ARFGEF1: variants seen among roughly 807,000 people sequenced by gnomAD.
ARFGEF1 encodes the protein ARF guanine nucleotide exchange factor 1.
In ARFGEF1, 42 loss-of-function variants were observed where a neutral mutation model predicts 231.0. The ratio of observed to expected loss-of-function variants is 0.18; its 90% CI spans 0.14 to 0.24. The LOEUF (loss-of-function observed/expected upper bound fraction) is 0.24. ARFGEF1 is among the 10% of genes least tolerant of loss of function. The pLI is 1.00. For missense variants in ARFGEF1, 1,345 were observed against 2,192.0 expected, an observed-to-expected ratio of 0.61 and a Z score of 7.72; for synonymous variants, 710 against 732.3, an observed-to-expected ratio of 0.97 and a Z score of 0.49.
At chr8:67,243,717 T>G (rs74732058) in intron 19 of ARFGEF1, among the ~76,000 whole-genome samples, 3,844 of 152,214 alleles carry the variant, frequency 0.025, 176 homozygotes, top group African/African-American at 0.087. Context: ...AATGAACATC[T>G]GTAAGTATCA....
chr8:67,294,378 T>C (rs1167940083), intron 5 of ARFGEF1, among the ~76,000 whole-genome samples: 1 of 152,206 alleles, frequency 6.6e-6, no homozygotes, highest in East Asian at 1.9e-4. Flanking sequence ...CACAAAGGAA[T>C]AGCATTACCC....
chr8:67,256,021 G>T (rs1350922332), intron 17 of ARFGEF1, among the ~76,000 whole-genome samples: 2 of 152,168 alleles, frequency 1.3e-5, no homozygotes, highest in Non-Finnish European at 2.9e-5. Context: ...TTCATTTAGA[G>T]AACCAAATGT....
chr8:67,189,143 T>C (rs1023646473), intron 5 of ARFGEF1, among the ~76,000 whole-genome samples: 1 of 152,170 alleles, frequency 6.6e-6, no homozygotes, highest in African/African-American at 2.4e-5. Context: ...TATGGAGCAA[T>C]AGGAACTCTC....
chr8:67,221,406 T>C (rs1468259719), intron 29 of ARFGEF1, among the ~76,000 whole-genome samples: 1 of 152,130 alleles, frequency 6.6e-6, no homozygotes, highest in African/African-American at 2.4e-5. Flanking sequence ...ACACTGATGA[T>C]CCTGACCCTG....
intron 13 of ARFGEF1, among the ~76,000 whole-genome samples, chr8:67,266,638 A>G (rs533404506): frequency 5.9e-5 from 9 of 152,304 alleles, no homozygotes; most frequent in African/African-American, 2.2e-4. Flanking sequence ...AGTTGCATAA[A>G]TATGCTTCAT....
rs1016386306 is a variant in ARFGEF1, at chr8:67,260,996, T to A, written c.2124-1070A>T. Among the ~76,000 whole-genome samples, 3 of 152,172 alleles carry A rather than the reference T, an allele frequency of 2.0e-5. No individual in the cohort carries two copies. The East Asian group carries it at 5.8e-4, about 29-fold the overall frequency. On this transcript the variant is annotated intron_variant, in intron 14 of 38. Coordinates refer to ENST00000262215, the MANE Select transcript of ARFGEF1 (RefSeq NM_006421.5). Reference sequence around the variant, plus strand: ...AATCCCAAAAAAGGCCCCAACTCTCTTCAAGTCTATGAGGCTAAGAAAGGT... The same window carrying A: ...AATCCCAAAAAAGGCCCCAACTCTCATCAAGTCTATGAGGCTAAGAAAGGT...
chr8:67,311,055 T>C (rs1807004746), intron 1 of ARFGEF1, among the ~76,000 whole-genome samples: 4 of 124,908 alleles, frequency 3.2e-5, no homozygotes, highest in African/African-American at 6.2e-5. Context: ...CGGCCACCCC[T>C]ACTGGGAAGT....
chr8:67,230,472 T>C (rs1839518238), intron 23 of ARFGEF1, among the ~76,000 whole-genome samples: 1 of 152,108 alleles, frequency 6.6e-6, no homozygotes, highest in African/African-American at 2.4e-5. Flanking sequence ...AAGCAGCCTA[T>C]ATTATTATAC....
Position 67,224,997 on chromosome 8 carries a change from C to T in ARFGEF1, c.4114G>A (p.Ala1372Thr). 6.2e-7 allele frequency: 1 copy of T among 1,605,222 alleles called. No homozygotes were observed. The highest frequency in any genetic ancestry group is 8.5e-7 in the Non-Finnish European group (1 of 1,175,878). Reference sequence around the variant, plus strand: ...CTCACCCACACCCTGTCTTCAGGTGCTACGTTCATATCATCGCTTGTGTAT... The same window carrying T: ...CTCACCCACACCCTGTCTTCAGGTGTTACGTTCATATCATCGCTTGTGTAT... The part of the protein sequence containing the change: ...KEYTSDDMNV[A>T]PEDRVWVRGW... The change falls in exon 29 of 39, where the codon GCA becomes ACA. Residue 1372 changes from alanine to threonine, a missense_variant. Ala to Thr is a moderately conservative substitution (Grantham distance 58). Transcript: ENST00000262215.
chr8:67,244,797 G>A (rs1840055903), intron 19 of ARFGEF1, among the ~76,000 whole-genome samples: 1 of 150,258 alleles, frequency 6.7e-6, no homozygotes, highest in Non-Finnish European at 1.5e-5. Context: ...AGAGATAGAG[G>A]TAGAAAGTTT....
chr8:67,232,553 T>G (rs186980025), intron 23 of ARFGEF1, among the ~76,000 whole-genome samples: 9 of 152,118 alleles, frequency 5.9e-5, no homozygotes, highest in Admixed American at 2.6e-4. Flanking sequence ...ATAAGGGGAA[T>G]AAGTTTTCTA....
At chr8:67,274,276 A>G (rs1365324867) in intron 9 of ARFGEF1, among the ~76,000 whole-genome samples, 1 of 152,004 alleles carries the variant, frequency 6.6e-6, no homozygotes, top group Non-Finnish European at 1.5e-5. Flanking sequence ...AGGGGAAGCA[A>G]AGACAAAAAA....
In ARFGEF1 at chr8:67,218,191, T is replaced by TAAAA. The variant is rs10719102; in HGVS notation, c.4339-57_4339-54dup. 7.8e-4 allele frequency: 120 copies of TAAAA among 153,676 alleles called. 2 individuals are homozygous for TAAAA. Among genetic ancestry groups the TAAAA allele is most frequent in the East Asian group, 3.3e-3 (16 of 4,844 alleles). The allele number at this position is 153,676 out of a possible 1,614,324, so 9.5% of individuals were successfully genotyped here. On this transcript the variant is annotated intron_variant, in intron 30 of 38. Transcript: ENST00000262215. ...CACGCCATTAATCAACTACTATGAT[T>TAAAA]AAAAAAAAAAAAAAAAATATATATA...
intron 30 of ARFGEF1, 96 bp from the exon 31 acceptor site, chr8:67,218,234 A>ATATATATATATATC (rs1170648076): frequency 1.7e-5 from 4 of 238,094 alleles, no homozygotes; most frequent in Non-Finnish European, 2.8e-5. Context: ...ATATATATAT[A>ATATATATATATATC]AATGTTTTCA....
In ARFGEF1 at chr8:67,258,027, A is replaced by G; in HGVS notation, c.2441+58T>C. 3 of 1,466,204 alleles carry G rather than the reference A, an allele frequency of 2.0e-6. No individual in the cohort carries two copies. In the South Asian group the frequency reaches 3.5e-5, roughly 17 times the overall value. The allele number at this position is 1,466,204 out of a possible 1,614,324, so 90.8% of individuals were successfully genotyped here. On this transcript the variant is annotated intron_variant, in intron 16 of 38. Transcript: ENST00000262215. The stretch of plus-strand genomic sequence containing the variant: ...TATTATCTGTAAATCCCTGGATGCT[A>G]CCTAGCACAGTGGTTTGGATATAAC...
chr8:67,314,437 G>C (rs1807212706), intron 1 of ARFGEF1, among the ~76,000 whole-genome samples: 1 of 152,194 alleles, frequency 6.6e-6, no homozygotes, highest in East Asian at 1.9e-4. Flanking sequence ...CAAGCTCCCA[G>C]GGCCTTTCTG....
At chr8:67,314,122 T>G (rs1807197526) in intron 1 of ARFGEF1, among the ~76,000 whole-genome samples, 1 of 152,158 alleles carries the variant, frequency 6.6e-6, no homozygotes, top group South Asian at 2.1e-4. Flanking sequence ...CCTTGCCCCC[T>G]GCAACAGCCC....
At chr8:67,307,736 T>C (rs1246436401) in intron 1 of ARFGEF1, among the ~76,000 whole-genome samples, 4 of 152,172 alleles carry the variant, frequency 2.6e-5, no homozygotes, top group Non-Finnish European at 5.9e-5. Context: ...GCTGACTATA[T>C]TTCCCAAAAC....
chr8:67,236,366 ATAT>A (rs1443609541), intron 22 of ARFGEF1, among the ~76,000 whole-genome samples: 25 of 17,692 alleles, frequency 1.4e-3, no homozygotes, highest in East Asian at 3.7e-3. Context: ...AAAAAAAAAA[ATAT>A]ATATATATAT....
Sources: allele counts gnomAD v4.1 joint callset (sites outside exome capture counted in the v4.1 genomes callset), GRCh38; gene constraint gnomAD v4.1.1; transcripts MANE v1.5; gene names NCBI Gene and HGNC (gene_info 2026-07-23, HGNC 2026-07-21).